Variants in HS3ST4 observed in about 807,000 individuals in gnomAD.
HS3ST4 encodes the protein heparan sulfate glucosamine 3-O-sulfotransferase 4.
HS3ST4 carries 17 observed loss-of-function variants against 29.2 expected under a neutral mutation model. The observed-to-expected ratio is 0.58, with a 90% CI of 0.40 to 0.87. HS3ST4 has a LOEUF of 0.87. Among genes scored for constraint, HS3ST4 ranks in the 40% least tolerant of loss-of-function variants. The probability of loss-of-function intolerance (pLI) is 0.00; values close to 1 mark genes in which losing one functional copy is unlikely to be tolerated. For synonymous variants in HS3ST4, 314 were observed against 285.7 expected (o/e 1.10, Z -1.00); for missense variants, 627 against 634.5 (o/e 0.99, Z 0.13).
chr16:25,747,233 A>G (rs1255315298), intron 1 of HS3ST4, among the ~76,000 whole-genome samples: 1 of 152,180 alleles, frequency 6.6e-6, no homozygotes, highest in Non-Finnish European at 1.5e-5. Flanking sequence ...TTATTCCTTG[A>G]TCCTGGTGAC....
At chr16:26,001,788 A>G (rs925853039) in intron 1 of HS3ST4, among the ~76,000 whole-genome samples, 1 of 152,132 alleles carries the variant, frequency 6.6e-6, no homozygotes, top group Non-Finnish European at 1.5e-5. Context: ...TGTCTTTTGA[A>G]GAAAGATCTC....
intron 1 of HS3ST4, among the ~76,000 whole-genome samples, chr16:26,002,691 AG>A (rs1969222243): frequency 1.4e-5 from 2 of 138,844 alleles, no homozygotes; most frequent in Non-Finnish European, 3.1e-5. Flanking sequence ...TAGAGAAAAA[AG>A]AAGGAAGGAA....
chr16:25,715,045 G>C (rs1037027358), intron 1 of HS3ST4, among the ~76,000 whole-genome samples: 1 of 152,182 alleles, frequency 6.6e-6, no homozygotes, highest in East Asian at 1.9e-4. Flanking sequence ...AGCGCCGGCC[G>C]GGCGCGGTGG....
rs1321118753 is a variant in HS3ST4, at chr16:26,137,646, A to T, written c.*1398A>T. 6.6e-6 allele frequency: 1 copy of T among 150,804 alleles called. No individual in the cohort carries two copies. The highest frequency in any genetic ancestry group is 2.4e-5 in the African/African-American group (1 of 40,872). 9.3% of individuals were successfully genotyped at this position (150,804 alleles called of 1,614,324 possible). On this transcript the variant is annotated 3_prime_UTR_variant, in exon 2 of 2. Transcript: ENST00000331351. The stretch of plus-strand genomic sequence containing the variant: ...TTATTAAACTGTCATTTCTCCCGCT[A>T]AATGAAAACCGTGTTGTTATAAAGC...
At chr16:25,704,174 A>G (rs1262680695) in intron 1 of HS3ST4, among the ~76,000 whole-genome samples, 1 of 152,258 alleles carries the variant, frequency 6.6e-6, no homozygotes, top group African/African-American at 2.4e-5. Flanking sequence ...CTGGAAAGAA[A>G]GAACCCTCAC....
At chr16:25,999,792 T>TTA (rs1241355459) in intron 1 of HS3ST4, among the ~76,000 whole-genome samples, 1 of 136,638 alleles carries the variant, frequency 7.3e-6, no homozygotes, top group African/African-American at 2.7e-5. Context: ...TATATATATT[T>TTA]TATATATATT....
intron 1 of HS3ST4, among the ~76,000 whole-genome samples, chr16:26,011,000 G>A (rs555916235): frequency 2.0e-5 from 3 of 152,150 alleles, no homozygotes; most frequent in Non-Finnish European, 4.4e-5. Context: ...ACGTATGAGA[G>A]TGCTCCACAC....
In HS3ST4 at chr16:26,078,446, C is replaced by A. The variant is rs544808791; in HGVS notation, c.735-57166C>A. Among the ~76,000 whole-genome samples the A allele has an allele frequency of 4.6e-5, 7 of 152,260 alleles. No individual in the cohort carries two copies. The South Asian group carries it at 8.3e-4, about 18-fold the overall frequency. ...TACAGGCGTGAGCCACCGCACCCAG[C>A]CTGTTTGTGCTTTATTTTTTTAAAG... On this transcript the variant is annotated intron_variant, in intron 1 of 1. Transcript: ENST00000331351.
chr16:26,023,319 C>T (rs969349041), intron 1 of HS3ST4, among the ~76,000 whole-genome samples: 2 of 151,634 alleles, frequency 1.3e-5, no homozygotes. Context: ...ATATTTCTGC[C>T]TCAAACATTG....
Position 25,692,900 on chromosome 16 carries a change from G to T in HS3ST4, c.483G>T (p.Ala161=). The part of the protein sequence containing the change: ...TAQSALPERE[A]QESSTTDEDL... The stretch of plus-strand genomic sequence containing the variant: ...AGAGCGCGCTGCCGGAGAGGGAAGC[G>T]CAGGAGTCCAGCACCACCGACGAGG... The change falls in exon 1 of 2, where the codon GCG becomes GCT. Residue 161 remains alanine, a synonymous_variant. Coordinates refer to ENST00000331351, the MANE Select transcript of HS3ST4 (RefSeq NM_006040.3). 1.3e-6 allele frequency: 2 copies of T among 1,584,376 alleles called. No homozygotes were observed. The highest frequency in any genetic ancestry group is 1.3e-5 in the African/African-American group (1 of 74,142).
intron 1 of HS3ST4, among the ~76,000 whole-genome samples, chr16:26,122,199 A>T (rs1388019439): frequency 6.7e-6 from 1 of 149,580 alleles, no homozygotes; most frequent in African/African-American, 2.5e-5. Context: ...AAAAAAAATC[A>T]CATATCAACA....
At chr16:26,009,570 C>T (rs1375313699) in intron 1 of HS3ST4, among the ~76,000 whole-genome samples, 1 of 152,206 alleles carries the variant, frequency 6.6e-6, no homozygotes, top group Non-Finnish European at 1.5e-5. Flanking sequence ...CAGCAATAAG[C>T]TCGAGCTTCT....
chr16:25,743,117 A>G (rs990883038), intron 1 of HS3ST4, among the ~76,000 whole-genome samples: 6 of 152,178 alleles, frequency 3.9e-5, no homozygotes, highest in African/African-American at 1.2e-4. Context: ...TTCCAGTAAC[A>G]TGGCACTCAC....
intron 1 of HS3ST4, among the ~76,000 whole-genome samples, chr16:25,977,422 C>G (rs1968954724): frequency 6.6e-6 from 1 of 152,188 alleles, no homozygotes; most frequent in South Asian, 2.1e-4. Context: ...CCTCTAAATT[C>G]TCATCACACC....
At chr16:25,825,855 A>C (rs1246857326) in intron 1 of HS3ST4, 13 of 152,242 alleles carry the variant, frequency 8.5e-5, no homozygotes, top group Non-Finnish European at 2.9e-5. Flanking sequence ...TTGATGTTTT[A>C]GATGAACCGC....
At chr16:25,991,500 A>G (rs1046827494) in intron 1 of HS3ST4, among the ~76,000 whole-genome samples, 9 of 152,190 alleles carry the variant, frequency 5.9e-5, no homozygotes, top group African/African-American at 1.9e-4. Context: ...GGAAATAGTG[A>G]GGATTTTATT....
intron 1 of HS3ST4, among the ~76,000 whole-genome samples, chr16:25,946,555 A>AGTGT (rs1389607799): frequency 3.3e-5 from 5 of 152,196 alleles, no homozygotes; most frequent in Admixed American, 3.3e-4. Flanking sequence ...TGTGCCAGGG[A>AGTGT]GTGTGCAAAT....
chr16:26,127,031 T>C (rs1021612097), intron 1 of HS3ST4, among the ~76,000 whole-genome samples: 2 of 151,800 alleles, frequency 1.3e-5, no homozygotes, highest in East Asian at 1.9e-4. Context: ...ATGGTGGTGG[T>C]GGTGGGTGGG....
intron 1 of HS3ST4, among the ~76,000 whole-genome samples, chr16:25,986,973 G>A (rs766018978): frequency 1.3e-5 from 2 of 152,204 alleles, no homozygotes; most frequent in Non-Finnish European, 2.9e-5. Context: ...TAATCGGTCT[G>A]GTTAAAATGT....
Sources: gnomAD v4.1 joint callset for allele counts (sites outside exome capture counted in the v4.1 genomes callset) on GRCh38, gnomAD v4.1.1 for gene constraint, MANE v1.5 for transcripts, NCBI Gene and HGNC (gene_info 2026-07-23, HGNC 2026-07-21) for gene names.